Variants in INPP5B observed in about 807,000 individuals in gnomAD.
INPP5B encodes the protein type II inositol 1,4,5-trisphosphate 5-phosphatase.
In INPP5B, 90 loss-of-function variants were observed where a neutral mutation model predicts 118.5. The observed-to-expected ratio is 0.76, with a 90% confidence interval of 0.64 to 0.90. The LOEUF is 0.90. Ranked by LOEUF, INPP5B falls within the 40% of genes least tolerant of loss-of-function variation. INPP5B has a pLI of 0.00. For missense variants in INPP5B, 984 were observed against 1,125.6 expected (o/e 0.87, Z 1.80); for synonymous variants, 385 against 418.9 (o/e 0.92, Z 0.99).
chr1:37,941,111 T>C (rs1272119846), intron 5 of INPP5B, among the ~76,000 whole-genome samples: 2 of 151,500 alleles, frequency 1.3e-5, no homozygotes. Flanking sequence ...CCCGATGAAA[T>C]GAAAAGCACA....
At chr1:37,882,098 CAA>C (rs527571929) in intron 14 of INPP5B, among the ~76,000 whole-genome samples, 12 of 104,712 alleles carry the variant, frequency 1.1e-4, no homozygotes, top group Admixed American at 1.0e-4. Context: ...GACTCTGTCT[CAA>C]AAAAAAAAAA....
chr1:37,866,406 T>TCTCTCTCACACA lies in INPP5B; in HGVS notation c.2386+52_2386+53insTGTGTGAGAGAG. ...CATATTCTCTCTCTCTCTCTCTCTC[T>TCTCTCTCACACA]CACACACACACACACACACACACAC... On this transcript the variant is annotated intron_variant, in intron 21 of 23. Transcript: ENST00000373024. 12 of 402,454 alleles carry TCTCTCTCACACA rather than the reference T, an allele frequency of 3.0e-5. No homozygotes were observed. The South Asian group carries it at 4.3e-4, about 14-fold the overall frequency. 24.9% of individuals were successfully genotyped at this position (402,454 alleles called of 1,614,324 possible). A position where few individuals can be genotyped will look rare whatever the true frequency, so the allele number is the denominator to read the frequency against.
chr1:37,868,264 G>T (rs1388879740), intron 20 of INPP5B, among the ~76,000 whole-genome samples: 3 of 142,694 alleles, frequency 2.1e-5, no homozygotes, highest in African/African-American at 7.9e-5. Context: ...AGTGAGTCAA[G>T]ATCGCACCAT....
intron 2 of INPP5B, among the ~76,000 whole-genome samples, 162 bp from the exon 3 acceptor site, chr1:37,946,012 C>A (rs529328451): frequency 6.6e-6 from 1 of 152,236 alleles, no homozygotes; most frequent in Admixed American, 6.5e-5. Context: ...GCTCTCTAAG[C>A]CTTCCTTATC....
At chr1:37,890,979 C>A (rs1331701479) in intron 8 of INPP5B, among the ~76,000 whole-genome samples, 3 of 152,212 alleles carry the variant, frequency 2.0e-5, no homozygotes, top group East Asian at 3.9e-4. Context: ...GTAATCCCAG[C>A]ACTTTGGGAA....
At chr1:37,926,347 T>G (rs1645227837) in intron 7 of INPP5B, among the ~76,000 whole-genome samples, 1 of 152,066 alleles carries the variant, frequency 6.6e-6, no homozygotes, top group Non-Finnish European at 1.5e-5. Context: ...TGGCATGCAG[T>G]GGCGTGATCT....
chr1:37,873,251 T>G (rs941130050), intron 18 of INPP5B, 86 bp from the exon 19 acceptor site: 50 of 941,448 alleles, frequency 5.3e-5, no homozygotes, highest in Non-Finnish European at 8.0e-5. Context: ...GGGTAAGGCA[T>G]AAAGGGTTAG....
intron 6 of INPP5B, among the ~76,000 whole-genome samples, chr1:37,939,125 C>T (rs1396310989): frequency 4.1e-5 from 6 of 145,958 alleles, no homozygotes; most frequent in South Asian, 2.2e-4. Context: ...ACCCAGGAGG[C>T]GGAGGTTGCA....
chr1:37,896,132 C>T (rs1355605954), intron 7 of INPP5B, among the ~76,000 whole-genome samples: 1 of 150,256 alleles, frequency 6.7e-6, no homozygotes, highest in Admixed American at 6.6e-5. Flanking sequence ...GGCCGCCCAT[C>T]GTCTGAGATG....
At chr1:37,917,218 G>A (rs1644897008) in intron 7 of INPP5B, among the ~76,000 whole-genome samples, 1 of 146,006 alleles carries the variant, frequency 6.8e-6, no homozygotes, top group African/African-American at 2.5e-5. Context: ...GAACCCGGGA[G>A]GCAGAGGTTG....
chr1:37,945,603 A>G lies in INPP5B; in HGVS notation c.152+153T>C, dbSNP rs61776701. On this transcript the variant is annotated intron_variant, in intron 3 of 23. Transcript: ENST00000373024. ...TGAGTTAGTACGTGTGCAGGGTTTA[A>G]AATATAGTGTTCAAAAAATATTAAC... Among the ~76,000 whole-genome samples, 17,059 of 152,260 alleles carry G rather than the reference A, an allele frequency of 0.11. 1,006 individuals are homozygous for G. Among genetic ancestry groups the G allele is most frequent in the Middle Eastern group, 0.23 (69 of 294 alleles).
At chr1:37,938,292 A>AATAAATAC (rs1280188912) in intron 6 of INPP5B, among the ~76,000 whole-genome samples, 11 of 149,200 alleles carry the variant, frequency 7.4e-5, no homozygotes, top group African/African-American at 2.7e-4. Flanking sequence ...TAAATAAATA[A>AATAAATAC]ATAAATAAAT....
chr1:37,930,206 C>T (rs570673570), intron 7 of INPP5B: 4 of 152,254 alleles, frequency 2.6e-5, no homozygotes, highest in South Asian at 2.1e-4. Flanking sequence ...TACAGGTACG[C>T]GCCACCATGT....
chr1:37,877,459 T>C (rs1050060048), intron 16 of INPP5B, among the ~76,000 whole-genome samples: 2 of 152,150 alleles, frequency 1.3e-5, no homozygotes, highest in African/African-American at 2.4e-5. Context: ...TTTTGAAGAC[T>C]GATAAAACCC....
chr1:37,889,635 T>C lies in INPP5B; in HGVS notation c.719A>G (p.Lys240Arg), dbSNP rs753753656. 3.7e-6 allele frequency: 6 copies of C among 1,613,596 alleles called. No homozygotes were observed. The highest frequency in any genetic ancestry group is 5.1e-6 in the Non-Finnish European group (6 of 1,179,638). ...SDKAHILSMQ[K>R]FGLRDTIVKS... ...CACAATTGTATCTCGCAGTCCAAACTTCTGCATGGATAAAATATGAGCCTT... is the reference window on the plus strand; with the variant it reads ...CACAATTGTATCTCGCAGTCCAAACCTCTGCATGGATAAAATATGAGCCTT... Residue 240 changes from lysine to arginine, a missense_variant, in exon 9 of 24, where the codon AAG becomes AGG. Transcript: ENST00000373024.
chr1:37,890,227 G>C (rs1420845836), intron 8 of INPP5B, among the ~76,000 whole-genome samples: 1 of 152,012 alleles, frequency 6.6e-6, no homozygotes, highest in South Asian at 2.1e-4. Context: ...ATACAAAAAT[G>C]AGCTGGGTGT....
In INPP5B at chr1:37,916,240, C is replaced by T. The variant is rs557027613; in HGVS notation, c.532+15673G>A. 4.6e-5 allele frequency among the ~76,000 whole-genome samples: 7 copies of T among 150,742 alleles called. No individual in the cohort carries two copies. In the South Asian group the frequency reaches 1.1e-3, roughly 23 times the overall value. On this transcript the variant is annotated intron_variant, in intron 7 of 23. Transcript: ENST00000373024. The stretch of plus-strand genomic sequence containing the variant: ...TCCCAAGTAGCTAGGATTACAGGCA[C>T]CCACCACTACACCCAGCTTATTTTT...
rs868094296 is a variant in INPP5B at position 37,886,749 on chromosome 1, C to T, written c.1131+139G>A. 1.3e-5 allele frequency: 9 copies of T among 685,910 alleles called. No individual in the cohort carries two copies. The South Asian group carries it at 1.6e-4, about 12-fold the overall frequency. The allele number at this position is 685,910 out of a possible 1,614,324, so 42.5% of individuals were successfully genotyped here. On this transcript the variant is annotated intron_variant, in intron 12 of 23. Coordinates refer to ENST00000373024, the MANE Select transcript of INPP5B (RefSeq NM_005540.3). ...TTTCTAAATAGTTTGCTCGACTGAG[C>T]CCTGCTTGAGGGTATGATTCATCTT...
At position 37,874,232 on chromosome 1, in the gene INPP5B, C is replaced by T; in HGVS notation, c.1789-77G>A. 5 of 1,081,270 alleles carry T rather than the reference C, an allele frequency of 4.6e-6. No homozygotes were observed. The South Asian group carries it at 1.2e-4, about 26-fold the overall frequency. The allele number at this position is 1,081,270 out of a possible 1,614,324, so 67.0% of individuals were successfully genotyped here. On this transcript the variant is annotated intron_variant, in intron 17 of 23. Transcript: ENST00000373024. ...TGCCCAGCCACCCCAACTGGGCAGT[C>T]CTTACCATGGAAAGAAAATGAACCA...
Sources: gnomAD v4.1 joint callset for allele counts (sites outside exome capture counted in the v4.1 genomes callset) on GRCh38, gnomAD v4.1.1 for gene constraint, MANE v1.5 for transcripts, NCBI Gene and HGNC (gene_info 2026-07-23, HGNC 2026-07-21) for gene names.